Variants in FAT3 observed in about 807,000 individuals in gnomAD.
FAT3 encodes the protein FAT atypical cadherin 3.
In FAT3, 95 loss-of-function variants were observed where a neutral mutation model predicts 310.2. That is an observed-to-expected ratio of 0.31 (90% CI 0.26 to 0.36). The LOEUF (loss-of-function observed/expected upper bound fraction) is 0.36, where lower values mean the gene tolerates loss of function less well. FAT3 is among the 10% of genes least tolerant of loss of function. The probability of loss-of-function intolerance (pLI) is 1.00; values close to 1 mark genes in which losing one functional copy is unlikely to be tolerated. For synonymous variants in FAT3, 2,314 were observed against 2,192.9 expected (o/e 1.06, Z -1.54); for missense variants, 5,408 against 5,715.6 (o/e 0.95, Z 1.74).
Position 92,640,901 on chromosome 11 carries a change from A to G in FAT3, c.3608-56483A>G, listed in dbSNP as rs533794063. On this transcript the variant is annotated intron_variant, in intron 3 of 27. Transcript: ENST00000525166. The stretch of plus-strand genomic sequence containing the variant: ...AGGATGATGAAGGAATTTAGATACT[A>G]CGTGATAGAAAAACAGTGTTCTGGT... 9.9e-5 allele frequency among the ~76,000 whole-genome samples: 15 copies of G among 152,276 alleles called. 2 individuals carry two copies. In the South Asian group the frequency reaches 3.1e-3, roughly 32 times the overall value.
chr11:92,865,718 G>A (rs1949227773), intron 21 of FAT3, among the ~76,000 whole-genome samples: 2 of 152,184 alleles, frequency 1.3e-5, no homozygotes, highest in African/African-American at 2.4e-5. Flanking sequence ...ACGACACAGG[G>A]GATTCAAAGA....
In FAT3 at chr11:92,821,458, T is replaced by G. The variant is rs1947966433; in HGVS notation, c.9482-10164T>G. On this transcript the variant is annotated intron_variant, in intron 13 of 27. Coordinates refer to ENST00000525166, the MANE Select transcript of FAT3 (RefSeq NM_001367949.2). ...CACTGATTTAATGTATTTTACCCCC[T>G]TCCCCAAAGCTGTTATTCTCCGAAG... 2.0e-5 allele frequency among the ~76,000 whole-genome samples: 3 copies of G among 152,184 alleles called. No homozygotes were observed. The South Asian group carries it at 6.2e-4, about 32-fold the overall frequency.
chr11:92,813,330 G>A (rs945347018), intron 13 of FAT3, among the ~76,000 whole-genome samples: 4 of 151,972 alleles, frequency 2.6e-5, no homozygotes, highest in African/African-American at 9.7e-5. Context: ...TAATATATAG[G>A]GAATTCAAGT....
chr11:92,800,915 G>A lies in FAT3; in HGVS notation c.7902G>A (p.Arg2634=), dbSNP rs757139001. Residue 2634 remains arginine (R), a synonymous_variant, in exon 10 of 28, where the codon AGG becomes AGA. Coordinates refer to ENST00000525166, the MANE Select transcript of FAT3 (RefSeq NM_001367949.2). The part of the protein sequence containing the change: ...AIDPDDGANS[R]ITYSLYSEAS... ...ATCCCGATGATGGAGCAAATTCAAG[G>A]ATTACTTATTCCCTCTATAGCGAGG... is the stretch of plus-strand genomic sequence containing the variant. 7.4e-6 allele frequency: 12 copies of A among 1,612,924 alleles called. No individual in the cohort carries two copies. The highest frequency in any genetic ancestry group is 3.3e-5 in the Admixed American group (2 of 59,890).
At chr11:92,749,624 G>A (rs1197381092) in intron 4 of FAT3, among the ~76,000 whole-genome samples, 1 of 152,152 alleles carries the variant, frequency 6.6e-6, no homozygotes, top group Non-Finnish European at 1.5e-5. Context: ...TGGGACATAT[G>A]AGACTATGAC....
intron 4 of FAT3, among the ~76,000 whole-genome samples, chr11:92,747,286 T>A (rs1018078187): frequency 6.6e-6 from 1 of 152,216 alleles, no homozygotes; most frequent in African/African-American, 2.4e-5. Context: ...ACACCACATA[T>A]AAGCTGCCAA....
rs1327303354 is a variant in FAT3, at chr11:92,867,127, G to A, written c.12045G>A (p.Lys4015=). 6.2e-7 allele frequency: 1 copy of A among 1,602,448 alleles called. No homozygotes were observed. The highest frequency in any genetic ancestry group is 8.5e-7 in the Non-Finnish European group (1 of 1,175,456). Residue 4015 remains lysine, a synonymous_variant, in exon 22 of 28, where the codon AAG becomes AAA. Coordinates refer to ENST00000525166, the MANE Select transcript of FAT3 (RefSeq NM_001367949.2). ...FAEVVGLTEL[K]LGCVLYPDAC... is the part of the protein sequence containing the mutation. ...AGGTGGTGGGCCTGACGGAGCTGAAGCTGGGCTGCGTGCTCTATCCCGACG... is the reference window on the plus strand; with the variant it reads ...AGGTGGTGGGCCTGACGGAGCTGAAACTGGGCTGCGTGCTCTATCCCGACG...
chr11:92,247,228 T>C (rs1263288428), intron 1 of FAT3, among the ~76,000 whole-genome samples: 1 of 151,938 alleles, frequency 6.6e-6, no homozygotes, highest in Non-Finnish European at 1.5e-5. Flanking sequence ...GGGTGGACCT[T>C]GAGCTCACAC....
At chr11:92,481,467 A>G (rs1425927598) in intron 2 of FAT3, among the ~76,000 whole-genome samples, 1 of 152,180 alleles carries the variant, frequency 6.6e-6, no homozygotes, top group African/African-American at 2.4e-5. Flanking sequence ...GAATATATGC[A>G]TTAATCTAGT....
In FAT3 at chr11:92,349,303, T is replaced by C. The variant is rs535078161; in HGVS notation, c.-17-2793T>C. ...GAGAGACTCGCTTACTTTACCGTGT[T>C]CACATGTCCACAGTGAGCCTAAAAA... is the stretch of plus-strand genomic sequence containing the variant. On this transcript the variant is annotated intron_variant, in intron 1 of 27. Coordinates refer to ENST00000525166, the MANE Select transcript of FAT3 (RefSeq NM_001367949.2). 2.0e-5 allele frequency among the ~76,000 whole-genome samples: 3 copies of C among 152,312 alleles called. No homozygotes were observed. The South Asian group carries it at 6.2e-4, about 32-fold the overall frequency.
chr11:92,805,028 G>C, intron 10 of FAT3, 125 bp from the exon 11 acceptor site: 1 of 835,370 alleles, frequency 1.2e-6, no homozygotes, highest in Non-Finnish European at 1.7e-6. Context: ...CAGTATCTTT[G>C]TAGTATCCTA....
At chr11:92,848,227 T>C (rs903669422) in intron 19 of FAT3, among the ~76,000 whole-genome samples, 8 of 152,212 alleles carry the variant, frequency 5.3e-5, no homozygotes, top group African/African-American at 1.9e-4. Context: ...TGCTGAGTTG[T>C]TTTAACAAAA....
At chr11:92,867,875 C>T (rs1327856355) in intron 22 of FAT3, among the ~76,000 whole-genome samples, 1 of 151,308 alleles carries the variant, frequency 6.6e-6, no homozygotes, top group East Asian at 1.9e-4. Context: ...TATTTTTTTC[C>T]CACAAGGTAC....
chr11:92,577,180 G>C (rs920352984), intron 3 of FAT3, among the ~76,000 whole-genome samples: 1 of 151,866 alleles, frequency 6.6e-6, no homozygotes, highest in African/African-American at 2.4e-5. Context: ...ACATGATCTT[G>C]GTTCTGCAAC....
chr11:92,299,174 C>T (rs1054838695), intron 1 of FAT3, among the ~76,000 whole-genome samples: 4 of 151,942 alleles, frequency 2.6e-5, no homozygotes, highest in Admixed American at 2.0e-4. Flanking sequence ...AGGAAAAGTA[C>T]TTATAATGGT....
chr11:92,373,821 T>C (rs2134729088), intron 2 of FAT3, among the ~76,000 whole-genome samples: 1 of 144,312 alleles, frequency 6.9e-6, no homozygotes, highest in African/African-American at 2.5e-5. Flanking sequence ...GAGACATAGA[T>C]AGATATGGAT....
At chr11:92,836,840 A>G in intron 16 of FAT3, 137 bp downstream of exon 16, 2 of 967,720 alleles carry the variant, frequency 2.1e-6, no homozygotes, top group Non-Finnish European at 3.0e-6. Flanking sequence ...GCTAAAATGC[A>G]GCATGAAATA....
intron 1 of FAT3, among the ~76,000 whole-genome samples, chr11:92,227,488 G>A (rs1268424723): frequency 6.6e-6 from 1 of 152,170 alleles, no homozygotes; most frequent in Non-Finnish European, 1.5e-5. Flanking sequence ...CGCCATCTAG[G>A]AATTGAGGAC....
At chr11:92,831,547 G>A (rs1372345057) in intron 13 of FAT3, 75 bp from the exon 14 acceptor site, 2 of 1,324,008 alleles carry the variant, frequency 1.5e-6, no homozygotes, top group Non-Finnish European at 2.0e-6. Flanking sequence ...TCAAAAGTCT[G>A]CAAAGCTGTA....
Sources: gnomAD v4.1 joint callset for allele counts (sites outside exome capture counted in the v4.1 genomes callset) on GRCh38, gnomAD v4.1.1 for gene constraint, MANE v1.5 for transcripts, NCBI Gene and HGNC (gene_info 2026-07-23, HGNC 2026-07-21) for gene names.